MAP3K7: variants seen among roughly 807,000 people sequenced by gnomAD.
The protein encoded by MAP3K7 is TGF-beta activated kinase 1.
MAP3K7 carries 21 observed loss-of-function variants against 84.8 expected under a neutral mutation model. That is an observed-to-expected ratio of 0.25 (90% CI 0.18 to 0.36). The LOEUF is 0.36. Among genes scored for constraint, MAP3K7 ranks in the 10% least tolerant of loss-of-function variants. The pLI is 1.00. For synonymous variants in MAP3K7, 241 were observed against 247.7 expected (o/e 0.97, Z 0.25); for missense variants, 503 against 747.7 (o/e 0.67, Z 3.82).
intron 3 of MAP3K7, among the ~76,000 whole-genome samples, 160 bp downstream of exon 3, chr6:90,568,398 A>C (rs1303544738): frequency 1.3e-5 from 2 of 152,186 alleles, no homozygotes; most frequent in African/African-American, 4.8e-5. Flanking sequence ...ATCACTGCTG[A>C]TATTTTAAAG....
intron 1 of MAP3K7, among the ~76,000 whole-genome samples, chr6:90,580,517 C>A (rs1342893971): frequency 2.0e-5 from 3 of 152,176 alleles, no homozygotes; most frequent in African/African-American, 7.2e-5. Flanking sequence ...GACAGGGTCT[C>A]ACTATGTTGC....
At chr6:90,521,709 T>C (rs865953435) in intron 14 of MAP3K7, among the ~76,000 whole-genome samples, 4 of 152,090 alleles carry the variant, frequency 2.6e-5, no homozygotes, top group African/African-American at 9.7e-5. Flanking sequence ...GAAAATTCTT[T>C]AGTGAGTTTC....
intron 14 of MAP3K7, among the ~76,000 whole-genome samples, chr6:90,521,003 T>C (rs1198540349): frequency 6.6e-6 from 1 of 152,130 alleles, no homozygotes. Context: ...GATATGTATT[T>C]TAGAATTAAG....
rs189989717 is a variant in MAP3K7, at chr6:90,527,663, G to A, written c.1357-3880C>T. On this transcript the variant is annotated intron_variant, in intron 13 of 16. Coordinates refer to ENST00000369329, the MANE Select transcript of MAP3K7 (RefSeq NM_145331.3). Reference sequence around the variant, plus strand: ...ACTGAGGGTTGGTGGGGAAATGACAGGGAAGGCCACAGGCGAGGAACACAC... The same window carrying A: ...ACTGAGGGTTGGTGGGGAAATGACAAGGAAGGCCACAGGCGAGGAACACAC... Among the ~76,000 whole-genome samples, 15 of 152,274 alleles carry A rather than the reference G, an allele frequency of 9.9e-5. No individual in the cohort carries two copies. The East Asian group carries it at 2.1e-3, about 22-fold the overall frequency.
intron 14 of MAP3K7, among the ~76,000 whole-genome samples, chr6:90,522,979 C>T (rs1775200241): frequency 6.6e-6 from 1 of 152,054 alleles, no homozygotes; most frequent in South Asian, 2.1e-4. Context: ...AAGCATTTAT[C>T]AAGGTATTCT....
At chr6:90,552,204 G>C in intron 7 of MAP3K7, 25 bp from the exon 8 acceptor site, 1 of 1,575,708 alleles carries the variant, frequency 6.3e-7, no homozygotes, top group Non-Finnish European at 8.7e-7. Flanking sequence ...GAGAGGAAGG[G>C]GGGAAGAATG....
chr6:90,552,663 T>C (rs996477270), intron 7 of MAP3K7, among the ~76,000 whole-genome samples: 1 of 152,164 alleles, frequency 6.6e-6, no homozygotes, highest in Non-Finnish European at 1.5e-5. Flanking sequence ...GGCGCTAAAA[T>C]TAAGAAGGTA....
chr6:90,533,774 C>T (rs1775581960), intron 13 of MAP3K7, among the ~76,000 whole-genome samples: 1 of 152,176 alleles, frequency 6.6e-6, no homozygotes, highest in Non-Finnish European at 1.5e-5. Context: ...CTGTGACAGC[C>T]AGCCGTTGAG....
intron 1 of MAP3K7, among the ~76,000 whole-genome samples, chr6:90,580,545 T>C (rs926274970): frequency 6.6e-6 from 1 of 152,224 alleles, no homozygotes. Context: ...CGTCTCAAAC[T>C]CCTGGCCTCA....
At chr6:90,572,398 A>C (rs1361739527) in intron 1 of MAP3K7, among the ~76,000 whole-genome samples, 2 of 152,014 alleles carry the variant, frequency 1.3e-5, no homozygotes, top group Admixed American at 1.3e-4. Context: ...AACTCCAAAA[A>C]CATTATGCTA....
rs762946299 is a variant in MAP3K7 at position 90,568,637 on chromosome 6, A to AG, written c.232-15_232-14insC. The AG allele has an allele frequency of 5.6e-6, 9 of 1,596,206 alleles. No individual in the cohort carries two copies. The African/African-American group carries it at 1.2e-4, about 22-fold the overall frequency. The stretch of plus-strand genomic sequence containing the variant: ...TAACTGCCGAAGCTGTTAAGAAATT[A>AG]AGGTTTCTTTTAAAAAGTGATAACT... On this transcript the variant is annotated splice_polypyrimidine_tract_variant and intron_variant, in intron 2 of 16. Transcript: ENST00000369329.
In MAP3K7 at chr6:90,518,194, A is replaced by G. The variant is rs531942216; in HGVS notation, c.1640+253T>C. ...AAGAAAACAATAAATCTTTATAATA[A>G]TAAGTCTAAACAGCTCTGAGAACAT... is the stretch of plus-strand genomic sequence containing the variant. On this transcript the variant is annotated intron_variant, in intron 16 of 16. Transcript: ENST00000369329. 2.1e-3 allele frequency among the ~76,000 whole-genome samples: 319 copies of G among 151,884 alleles called. 3 individuals carry two copies. Among genetic ancestry groups the G allele is most frequent in the African/African-American group, 7.1e-3 (294 of 41,530 alleles).
At chr6:90,520,087 T>A (rs921072047) in intron 14 of MAP3K7, among the ~76,000 whole-genome samples, 12 of 152,060 alleles carry the variant, frequency 7.9e-5, no homozygotes, top group Non-Finnish European at 1.8e-4. Flanking sequence ...CAGTCTCTTC[T>A]CAACATTTAT....
At chr6:90,570,550 A>G (rs1467581181) in intron 2 of MAP3K7, among the ~76,000 whole-genome samples, 1 of 152,202 alleles carries the variant, frequency 6.6e-6, no homozygotes, top group East Asian at 1.9e-4. Flanking sequence ...GGGGACACCA[A>G]ACATGAAGGA....
intron 13 of MAP3K7, 51 bp from the exon 14 acceptor site, chr6:90,523,834 A>G (rs1775234475): frequency 9.1e-7 from 1 of 1,093,656 alleles, no homozygotes; most frequent in Non-Finnish European, 1.4e-6. Context: ...TGATTAAAAA[A>G]AATGACGAGA....
chr6:90,553,609 A>G (rs1303264757), intron 6 of MAP3K7, 23 bp from the exon 7 acceptor site: 3 of 1,589,880 alleles, frequency 1.9e-6, no homozygotes, highest in African/African-American at 1.4e-5. Flanking sequence ...AAGGTAGTAT[A>G]TAACCTAAAG....
Position 90,561,674 on chromosome 6 carries a change from GA to G in MAP3K7, c.298-8del, listed in dbSNP as rs1192721841. On this transcript the variant is annotated splice_region_variant and splice_polypyrimidine_tract_variant and intron_variant, in intron 3 of 16. Transcript: ENST00000369329. ...ATTCCATCACAAGACACACCTAAAG[GA>G]AACATATATCAGAAGCATTAACCAA... The G allele has an allele frequency of 1.7e-5, 27 of 1,607,596 alleles. No homozygotes were observed. The Middle Eastern group carries it at 4.0e-3, about 236-fold the overall frequency.
chr6:90,550,608 TTAA>T, intron 8 of MAP3K7, 59 bp from the exon 9 acceptor site: 1 of 1,071,310 alleles, frequency 9.3e-7, no homozygotes, highest in East Asian at 2.4e-5. Context: ...TAAATCCTGA[TTAA>T]TGTTTTATTT....
intron 15 of MAP3K7, 30 bp downstream of exon 15, chr6:90,519,228 T>A (rs1775068799): frequency 1.3e-6 from 2 of 1,496,750 alleles, no homozygotes; most frequent in Non-Finnish European, 9.2e-7. Flanking sequence ...AAGAAAAAAG[T>A]CAACTTTCAA....
Sources: allele counts gnomAD v4.1 joint callset (sites outside exome capture counted in the v4.1 genomes callset), GRCh38; gene constraint gnomAD v4.1.1; transcripts MANE v1.5; gene names NCBI Gene and HGNC (gene_info 2026-07-23, HGNC 2026-07-21).